CACNA1D: variants seen among roughly 807,000 people sequenced by gnomAD.
The protein encoded by CACNA1D is calcium voltage-gated channel subunit alpha1 D.
Under a neutral mutation model 257.1 loss-of-function variants are expected in CACNA1D, and 55 were observed. That is an observed-to-expected ratio of 0.21 (90% CI 0.17 to 0.27). The LOEUF (loss-of-function observed/expected upper bound fraction) is 0.27, where lower values mean the gene tolerates loss of function less well. Among genes scored for constraint, CACNA1D ranks in the 10% least tolerant of loss-of-function variants. The probability of loss-of-function intolerance (pLI) is 1.00; values close to 1 mark genes in which losing one functional copy is unlikely to be tolerated. For missense variants in CACNA1D, 1,876 were observed against 2,784.0 expected (o/e 0.67, Z 7.34); for synonymous variants, 980 against 1,014.9 (o/e 0.97, Z 0.65).
intron 3 of CACNA1D, among the ~76,000 whole-genome samples, chr3:53,629,899 T>A (rs1444143801): frequency 6.6e-6 from 1 of 152,254 alleles, no homozygotes; most frequent in African/African-American, 2.4e-5. Flanking sequence ...ACTGACAGTG[T>A]ATTTGCAGTC....
At chr3:53,613,417 G>A (rs1021776109) in intron 3 of CACNA1D, among the ~76,000 whole-genome samples, 7 of 152,064 alleles carry the variant, frequency 4.6e-5, no homozygotes, top group Admixed American at 2.0e-4. Flanking sequence ...TGGAAAGAGC[G>A]TAGTATCTGA....
intron 45 of CACNA1D, 78 bp downstream of exon 45, chr3:53,805,224 C>T (rs1416449894): frequency 2.2e-5 from 30 of 1,365,248 alleles, no homozygotes; most frequent in Middle Eastern, 2.1e-4. Flanking sequence ...CTCTGGGGGC[C>T]GGTGATGGAT....
chr3:53,807,421 C>G (rs1211170297), intron 45 of CACNA1D: 1 of 152,290 alleles, frequency 6.6e-6, no homozygotes, highest in Non-Finnish European at 1.5e-5. Context: ...TGGGCAGTGC[C>G]TAGCCAAGGA....
intron 34 of CACNA1D, among the ~76,000 whole-genome samples, chr3:53,775,137 C>G (rs560246881): frequency 6.6e-6 from 1 of 152,270 alleles, no homozygotes; most frequent in South Asian, 2.1e-4. Context: ...ACAAGCTGCC[C>G]TCATAGTGAG....
chr3:53,567,734 G>T (rs2092871627), intron 3 of CACNA1D, among the ~76,000 whole-genome samples: 1 of 152,178 alleles, frequency 6.6e-6, no homozygotes, highest in Admixed American at 6.5e-5. Flanking sequence ...ATACTTTATT[G>T]CAATGAACAG....
At chr3:53,704,397 T>C (rs2633731) in intron 9 of CACNA1D, among the ~76,000 whole-genome samples, 102,369 of 151,654 alleles carry the variant, frequency 0.68, 35,053 homozygotes, top group East Asian at 0.86. Context: ...GCCAGGACTT[T>C]AGCACCTGAG....
intron 15 of CACNA1D, among the ~76,000 whole-genome samples, chr3:53,728,340 T>C (rs2094956277): frequency 6.6e-6 from 1 of 152,176 alleles, no homozygotes; most frequent in Non-Finnish European, 1.5e-5. Context: ...GGTTTCTCCA[T>C]GTTAACCAGG....
At chr3:53,658,255 G>A (rs1035028108) in intron 4 of CACNA1D, among the ~76,000 whole-genome samples, 7 of 152,018 alleles carry the variant, frequency 4.6e-5, no homozygotes, top group African/African-American at 1.7e-4. Context: ...GAGTGGAAAG[G>A]TCATTCTCTG....
chr3:53,683,020 A>G (rs984139411), intron 8 of CACNA1D, among the ~76,000 whole-genome samples: 1 of 152,218 alleles, frequency 6.6e-6, no homozygotes, highest in Non-Finnish European at 1.5e-5. Context: ...AGCCCAGCAG[A>G]GAACGATGGT....
rs759639728 is a variant in CACNA1D at position 53,770,513 on chromosome 3, C to G, written c.4005C>G (p.Gly1335=). 6.2e-7 allele frequency: 1 copy of G among 1,613,662 alleles called. No individual in the cohort carries two copies. The highest frequency in any genetic ancestry group is 2.2e-5 in the East Asian group (1 of 44,882). Residue 1335 remains glycine, a synonymous_variant, in exon 32 of 48, where the codon GGC becomes GGG. Transcript: ENST00000350061. The part of the protein sequence containing the change: ...RLVKLLSRGE[G]IRTLLWTFIK... ...TGAAGCTTCTCAGCAGGGGGGAAGG[C>G]ATCCGGACATTGCTGTGGACTTTTA... is the stretch of plus-strand genomic sequence containing the variant.
chr3:53,718,633 G>T (rs1359656896), intron 10 of CACNA1D: 2 of 1,384,694 alleles, frequency 1.4e-6, no homozygotes, highest in Non-Finnish European at 2.0e-6. Context: ...TGTAAGTAGA[G>T]CCCGTGAAGA....
chr3:53,721,307 A>T (rs533532876), intron 11 of CACNA1D, among the ~76,000 whole-genome samples: 15 of 152,298 alleles, frequency 9.8e-5, no homozygotes, highest in African/African-American at 2.2e-4. Context: ...TTGCCTAGCA[A>T]CACAGCTGAG....
chr3:53,669,542 T>G (rs1012889920), intron 7 of CACNA1D, among the ~76,000 whole-genome samples: 3 of 152,230 alleles, frequency 2.0e-5, no homozygotes, highest in African/African-American at 7.2e-5. Flanking sequence ...GTCATTGTTT[T>G]GCATCTAGTC....
At position 53,800,053 on chromosome 3, in the gene CACNA1D, C is replaced by T; in HGVS notation, c.4924-196C>T. 1.5e-6 allele frequency: 1 copy of T among 685,056 alleles called. No individual in the cohort carries two copies. Among genetic ancestry groups the T allele is most frequent in the African/African-American group, 1.8e-5 (1 of 56,812 alleles). The allele number at this position is 685,056 out of a possible 1,614,324, so 42.4% of individuals were successfully genotyped here. ...CAGGCCTCAGGCATCCTACCTAGGA[C>T]CTTCTTGACCCTCTGGATGCCTGAC... On this transcript the variant is annotated intron_variant, in intron 40 of 47. Coordinates refer to ENST00000350061, the MANE Select transcript of CACNA1D (RefSeq NM_001128840.3). This position sits in a 1 kb window ranked among gnomAD's most constrained non-coding sequence, Gnocchi z 4.3.
chr3:53,800,632 C>T lies in CACNA1D; in HGVS notation c.5040+267C>T. ...AGGAGCTCGGCCACAGCCGCTGGCCCTGTGGATGAGCATCCTGAGTCCTTC... is the reference window on the plus strand; with the variant it reads ...AGGAGCTCGGCCACAGCCGCTGGCCTTGTGGATGAGCATCCTGAGTCCTTC... On this transcript the variant is annotated intron_variant, in intron 41 of 47. Coordinates refer to ENST00000350061, the MANE Select transcript of CACNA1D (RefSeq NM_001128840.3). The surrounding 1 kb of genome is among the most constrained non-coding windows in gnomAD (Gnocchi z 4.3). The T allele has an allele frequency of 1.9e-6, 1 of 532,652 alleles. No homozygotes were observed. The highest frequency in any genetic ancestry group is 3.4e-6 in the Non-Finnish European group (1 of 293,182). The allele number at this position is 532,652 out of a possible 1,614,324, so 33.0% of individuals were successfully genotyped here. A position where few individuals can be genotyped will look rare whatever the true frequency, so the allele number is the denominator to read the frequency against.
At chr3:53,667,812 GGAGTGT>G (rs944648985) in intron 7 of CACNA1D, among the ~76,000 whole-genome samples, 2 of 150,768 alleles carry the variant, frequency 1.3e-5, no homozygotes, top group Non-Finnish European at 3.0e-5. Flanking sequence ...GATTGTCATA[GGAGTGT>G]GAGTGTGTGT....
chr3:53,791,195 G>GGCCGTGGCTCATCTGCGGA (rs2095480882), intron 40 of CACNA1D: 1 of 584,818 alleles, frequency 1.7e-6, no homozygotes, highest in African/African-American at 1.9e-5. Context: ...GTGGAAGCGG[G>GGCCGTGGCTCATCTGCGGA]GCCGTGGCTC....
intron 45 of CACNA1D, chr3:53,805,361 A>C: frequency 1.7e-6 from 1 of 591,244 alleles, no homozygotes; most frequent in Non-Finnish European, 3.0e-6. Context: ...GCTATGCTTG[A>C]CTCTCTTTGA....
chr3:53,674,457 T>C (rs1227609406), intron 8 of CACNA1D, among the ~76,000 whole-genome samples: 1 of 152,228 alleles, frequency 6.6e-6, no homozygotes, highest in African/African-American at 2.4e-5. Flanking sequence ...TGCACACATT[T>C]CCCATGGCCT....
Sources: gnomAD v4.1 joint callset for allele counts (sites outside exome capture counted in the v4.1 genomes callset) on GRCh38, gnomAD v4.1.1 for gene constraint, Gnocchi (gnomAD v3.1) non-coding constraint, MANE v1.5 for transcripts, NCBI Gene and HGNC (gene_info 2026-07-23, HGNC 2026-07-21) for gene names.